Variants in TLR7 observed in about 807,000 individuals in gnomAD.
TLR7 encodes the protein toll like receptor 7, also known as toll-like receptor 7.
Under a neutral mutation model 38.3 loss-of-function variants are expected in TLR7, and 12 were observed. The ratio of observed to expected loss-of-function variants is 0.31; its 90% confidence interval spans 0.20 to 0.51. TLR7 has a LOEUF of 0.51. TLR7 is among the 20% of genes least tolerant of loss of function. TLR7 has a pLI of 0.98. For synonymous variants in TLR7, 285 were observed against 293.8 expected (o/e 0.97, Z 0.31); for missense variants, 504 against 743.4 (o/e 0.68, Z 3.74).
Position 12,888,055 on chromosome X carries a change from A to AAG in TLR7, c.2547_2548insAG (p.Phe852SerfsTer5). 8.3e-7 allele frequency: 1 copy of AAG among 1,211,422 alleles called. No homozygotes were observed. ...TTCTGTTCTCACTTTCCATATCTGT[A>AAG]TCTCTCTTTCTCATGGTGATGATGA... On this transcript the variant is annotated frameshift_variant, in exon 3 of 3. Coordinates refer to ENST00000380659, the MANE Select transcript of TLR7 (RefSeq NM_016562.4). LOFTEE classifies it high-confidence loss of function.
intron 2 of TLR7, among the ~76,000 whole-genome samples, chrX:12,879,146 G>C (rs2042883008): frequency 9.0e-6 from 1 of 111,487 alleles, no homozygotes; most frequent in African/African-American, 3.3e-5. Context: ...TATGAATATT[G>C]CCAAATCATT....
intron 2 of TLR7, among the ~76,000 whole-genome samples, chrX:12,883,290 T>C (rs891901980): frequency 6.2e-5 from 7 of 112,124 alleles, no homozygotes; most frequent in Non-Finnish European, 1.1e-4. Flanking sequence ...GGTATCTGAG[T>C]GCTCCTTTTG....
intron 2 of TLR7, among the ~76,000 whole-genome samples, chrX:12,878,422 T>C (rs1336392665): frequency 9.0e-6 from 1 of 111,697 alleles, no homozygotes; most frequent in Non-Finnish European, 1.9e-5. Context: ...TTTAAGTACC[T>C]CCATAATATC....
At position 12,889,517 on chromosome X, in the gene TLR7, T is replaced by G. The variant is rs1277902161; in HGVS notation, c.*859T>G. On this transcript the variant is annotated 3_prime_UTR_variant, in exon 3 of 3. Transcript: ENST00000380659. ...TGGGCACCACACAGGTGGTTGCTGC[T>G]TCAGTGCTTCCTGCTCTTTTTCCTT... 2 of 113,558 alleles carry G rather than the reference T, an allele frequency of 1.8e-5. No homozygotes were observed. The highest frequency in any genetic ancestry group is 6.4e-5 in the African/African-American group (2 of 31,063). The allele number at this position is 113,558 out of a possible 1,213,427, so 9.4% of individuals were successfully genotyped here.
chrX:12,887,006 C>T lies in TLR7; in HGVS notation c.1498C>T (p.Leu500=). The change falls in exon 3 of 3, where the codon CTA becomes TTA. Residue 500 remains leucine (L), a synonymous_variant. Transcript: ENST00000380659. ...CTACAAGTATGGGCAGACCTTGGAT[C>T]TAAGTAAAAATAGTATATTTTTTGT... The part of the protein sequence containing the change: ...SCYKYGQTLD[L]SKNSIFFVKS... 8.3e-7 allele frequency: 1 copy of T among 1,210,951 alleles called. No individual in the cohort carries two copies. Among genetic ancestry groups the T allele is most frequent in the Non-Finnish European group, 1.1e-6 (1 of 894,872 alleles).
At chrX:12,867,414 A>ATGTCTTTAAGCTACAGTATTGTGC (rs1484891977) in intron 1 of TLR7, 67 bp from the exon 2 acceptor site, 1 of 431,697 alleles carries the variant, frequency 2.3e-6, no homozygotes, top group African/African-American at 2.5e-5. Flanking sequence ...TGATCCTAGC[A>ATGTCTTTAAGCTACAGTATTGTGC]TGTCTTTAAG....
intron 2 of TLR7, among the ~76,000 whole-genome samples, chrX:12,873,749 T>C (rs2042861251): frequency 8.9e-6 from 1 of 112,253 alleles, no homozygotes; most frequent in African/African-American, 3.2e-5. Flanking sequence ...TACAAATATA[T>C]GCATATATAT....
At chrX:12,875,592 T>G (rs2042867510) in intron 2 of TLR7, among the ~76,000 whole-genome samples, 1 of 111,698 alleles carries the variant, frequency 9.0e-6, no homozygotes, top group Non-Finnish European at 1.9e-5. Flanking sequence ...GGGAGGTAAT[T>G]GAATCATGGG....
intron 2 of TLR7, among the ~76,000 whole-genome samples, chrX:12,882,532 A>G (rs940224832): frequency 6.3e-5 from 7 of 111,714 alleles, no homozygotes; most frequent in African/African-American, 2.3e-4. Context: ...TTTCACAGTC[A>G]TTGTCTCAGG....
Position 12,887,613 on chromosome X carries a change from A to C in TLR7, c.2105A>C (p.Glu702Ala). 8.3e-7 allele frequency: 1 copy of C among 1,210,310 alleles called. No homozygotes were observed. The highest frequency in any genetic ancestry group is 1.1e-6 in the Non-Finnish European group (1 of 894,954). ...AAACTCCAGTGTCTAAAGAACCTGGAAACTTTGGACCTCAGCCACAACCAA... is the reference window on the plus strand; with the variant it reads ...AAACTCCAGTGTCTAAAGAACCTGGCAACTTTGGACCTCAGCCACAACCAA... ...WKKLQCLKNL[E>A]TLDLSHNQLT... Residue 702 changes from glutamate (E) to alanine (A), a missense_variant, in exon 3 of 3, where the codon GAA (glutamate) becomes GCA (alanine). Glu to Ala is a moderately radical substitution (Grantham distance 107). Coordinates refer to ENST00000380659, the MANE Select transcript of TLR7 (RefSeq NM_016562.4).
At chrX:12,880,972 A>G (rs2042888990) in intron 2 of TLR7, among the ~76,000 whole-genome samples, 1 of 110,763 alleles carries the variant, frequency 9.0e-6, no homozygotes, top group Non-Finnish European at 1.9e-5. Context: ...CATGCCTGTA[A>G]TCCCAGCACT....
At chrX:12,881,545 A>C (rs756083254) in intron 2 of TLR7, among the ~76,000 whole-genome samples, 6 of 103,908 alleles carry the variant, frequency 5.8e-5, no homozygotes, top group Non-Finnish European at 7.7e-5. Flanking sequence ...TAAATAATAA[A>C]TGAGTTATTT....
chrX:12,874,006 C>T (rs2042862447), intron 2 of TLR7, among the ~76,000 whole-genome samples: 1 of 112,502 alleles, frequency 8.9e-6, no homozygotes, highest in Non-Finnish European at 1.9e-5. Context: ...CTGAATCAAA[C>T]TAGCAAAATA....
At position 12,886,162 on chromosome X, in the gene TLR7, C is replaced by T. The variant is rs201282415; in HGVS notation, c.654C>T (p.Ala218=). 7.4e-6 allele frequency: 9 copies of T among 1,209,698 alleles called. No individual in the cohort carries two copies. The African/African-American group carries it at 1.0e-4, about 14-fold the overall frequency. Residue 218 remains alanine, a synonymous_variant, in exon 3 of 3, where the codon GCC becomes GCT. Transcript: ENST00000380659. ...VLSLKDNNVT[A]VPTVLPSTLT... ...CCCTGAAAGATAACAATGTCACAGCCGTCCCTACTGTTTTGCCATCTACTT... is the reference window on the plus strand; with the variant it reads ...CCCTGAAAGATAACAATGTCACAGCTGTCCCTACTGTTTTGCCATCTACTT...
At chrX:12,882,334 G>C (rs2042895459) in intron 2 of TLR7, among the ~76,000 whole-genome samples, 1 of 111,166 alleles carries the variant, frequency 9.0e-6, no homozygotes, top group African/African-American at 3.3e-5. Context: ...AGCAGGGAGA[G>C]CAATTTGGAG....
intron 2 of TLR7, among the ~76,000 whole-genome samples, chrX:12,881,794 T>C (rs988853508): frequency 2.7e-5 from 3 of 111,546 alleles, no homozygotes; most frequent in African/African-American, 9.8e-5. Flanking sequence ...GGATAAGGGA[T>C]TGAAGACCTG....
At chrX:12,873,960 T>C (rs1403582377) in intron 2 of TLR7, among the ~76,000 whole-genome samples, 3 of 112,531 alleles carry the variant, frequency 2.7e-5, no homozygotes, top group East Asian at 5.5e-4. Context: ...CAATGGATTG[T>C]CATGTAATTC....
Position 12,885,662 on chromosome X carries a change from A to G in TLR7, c.154A>G (p.Thr52Ala), listed in dbSNP as rs2095286604. Residue 52 changes from threonine to alanine, a missense_variant, in exon 3 of 3, where the codon ACA (threonine) becomes GCA (alanine). By Grantham distance (58) the Thr-to-Ala change is moderately conservative. Transcript: ENST00000380659. Reference protein sequence around the residue: ...VPKNHVIVDCTDKHLTEIPGG... With the variant: ...VPKNHVIVDCADKHLTEIPGG... ...AAAGAACCATGTGATCGTGGACTGCACAGACAAGCATTTGACAGAAATTCC... is the reference window on the plus strand; with the variant it reads ...AAAGAACCATGTGATCGTGGACTGCGCAGACAAGCATTTGACAGAAATTCC... 1 of 1,212,046 alleles carries G rather than the reference A, an allele frequency of 8.3e-7. No individual in the cohort carries two copies. The highest frequency in any genetic ancestry group is 2.2e-5 in the Admixed American group (1 of 46,031).
In TLR7 at chrX:12,872,797, G is replaced by A. The variant is rs950727519; in HGVS notation, c.3+5216G>A. Among the ~76,000 whole-genome samples the A allele has an allele frequency of 3.7e-5, 4 of 108,438 alleles. No individual in the cohort carries two copies. The East Asian group carries it at 1.2e-3, about 32-fold the overall frequency. The allele number at this position is 108,438 out of a possible 115,157, so 94.2% of individuals were successfully genotyped here. On this transcript the variant is annotated intron_variant, in intron 2 of 2. Transcript: ENST00000380659. ...TTACGCCCTCCAGCACTGCTACCTG[G>A]GACTTCTGCTTGAATGACTGTAATA... is the stretch of plus-strand genomic sequence containing the variant.
Sources: gnomAD v4.1 joint callset for allele counts (sites outside exome capture counted in the v4.1 genomes callset) on GRCh38, gnomAD v4.1.1 for gene constraint, MANE v1.5 for transcripts, NCBI Gene and HGNC (gene_info 2026-07-23, HGNC 2026-07-21) for gene names.